Variants in PIP5K1B observed in about 807,000 individuals in gnomAD.
The protein encoded by PIP5K1B is phosphatidylinositol 4-phosphate 5-kinase type-1 beta.
Under a neutral mutation model 67.0 loss-of-function variants are expected in PIP5K1B, and 42 were observed. The ratio of observed to expected loss-of-function variants is 0.63; its 90% CI spans 0.49 to 0.81. PIP5K1B has a LOEUF of 0.81. Among genes scored for constraint, PIP5K1B ranks in the 30% least tolerant of loss-of-function variants. The pLI is 0.00. For missense variants in PIP5K1B, 459 were observed against 646.3 expected, an observed-to-expected ratio of 0.71 and a Z score of 3.14; for synonymous variants, 214 against 231.4, an observed-to-expected ratio of 0.92 and a Z score of 0.68.
intron 8 of PIP5K1B, among the ~76,000 whole-genome samples, chr9:68,914,664 G>A (rs528768690): frequency 1.4e-4 from 21 of 152,106 alleles, no homozygotes; most frequent in African/African-American, 2.4e-4. Context: ...GCAGTGAGCC[G>A]AGATTGCACC....
At chr9:68,853,435 G>A (rs1237374442) in intron 4 of PIP5K1B, among the ~76,000 whole-genome samples, 1 of 152,150 alleles carries the variant, frequency 6.6e-6, no homozygotes, top group Non-Finnish European at 1.5e-5. Flanking sequence ...CTTGGGAGAG[G>A]GTCTGCCCAC....
chr9:68,942,775 T>A (rs534413964), intron 14 of PIP5K1B, among the ~76,000 whole-genome samples: 23 of 152,364 alleles, frequency 1.5e-4, no homozygotes, highest in Non-Finnish European at 2.9e-4. Flanking sequence ...TGTTTTAATC[T>A]TCTTTGGCAC....
chr9:68,889,974 A>G (rs11144154), intron 7 of PIP5K1B, among the ~76,000 whole-genome samples: 14,276 of 152,204 alleles, frequency 0.094, 834 homozygotes, highest in Non-Finnish European at 0.14. Flanking sequence ...GCAACCTTGG[A>G]TACTACAATT....
At chr9:68,735,578 T>A (rs779864183) in intron 1 of PIP5K1B, among the ~76,000 whole-genome samples, 3 of 152,116 alleles carry the variant, frequency 2.0e-5, no homozygotes, top group African/African-American at 4.8e-5. Context: ...TTAGTAGAGA[T>A]GGCGTTTAGC....
At chr9:68,739,072 C>T (rs1828877864) in intron 1 of PIP5K1B, among the ~76,000 whole-genome samples, 1 of 152,240 alleles carries the variant, frequency 6.6e-6, no homozygotes, top group African/African-American at 2.4e-5. Context: ...GGCATTTGAT[C>T]ATCGACTGTT....
intron 14 of PIP5K1B, among the ~76,000 whole-genome samples, chr9:68,947,439 C>T (rs1827854379): frequency 6.6e-6 from 1 of 152,220 alleles, no homozygotes; most frequent in Non-Finnish European, 1.5e-5. Flanking sequence ...TCATCCAACT[C>T]CTGCAATGCC....
chr9:68,907,780 C>T (rs574000074), intron 8 of PIP5K1B, among the ~76,000 whole-genome samples: 1 of 152,312 alleles, frequency 6.6e-6, no homozygotes, highest in East Asian at 1.9e-4. Flanking sequence ...CTGTAGAAGG[C>T]TCTGTGCTAA....
chr9:68,856,114 T>C (rs1335872709), intron 4 of PIP5K1B, among the ~76,000 whole-genome samples: 2 of 152,108 alleles, frequency 1.3e-5, no homozygotes, highest in South Asian at 2.1e-4. Flanking sequence ...TGTTCCCTCA[T>C]TGAAACACAT....
intron 11 of PIP5K1B, 113 bp from the exon 12 acceptor site, chr9:68,923,189 C>A (rs758563508): frequency 2.8e-6 from 2 of 715,166 alleles, no homozygotes; most frequent in East Asian, 2.6e-5. Flanking sequence ...TATCTCTGGG[C>A]CACCTTTGGT....
intron 8 of PIP5K1B, among the ~76,000 whole-genome samples, chr9:68,897,525 A>G (rs1444345757): frequency 2.0e-5 from 3 of 152,338 alleles, no homozygotes; most frequent in Admixed American, 1.3e-4. Flanking sequence ...GGTATGAAAC[A>G]ATGGGTGTGA....
chr9:68,749,788 A>G (rs1386034069), intron 2 of PIP5K1B, among the ~76,000 whole-genome samples: 2 of 152,168 alleles, frequency 1.3e-5, no homozygotes, highest in Non-Finnish European at 2.9e-5. Context: ...ATTCCTATCC[A>G]CTAGATGCCA....
At chr9:68,729,904 C>T (rs1828337306) in intron 1 of PIP5K1B, among the ~76,000 whole-genome samples, 1 of 151,830 alleles carries the variant, frequency 6.6e-6, no homozygotes, top group South Asian at 2.1e-4. Context: ...AGTAATTTCC[C>T]TTTTCAAGGG....
intron 2 of PIP5K1B, among the ~76,000 whole-genome samples, chr9:68,791,431 G>T (rs1175351258): frequency 2.6e-5 from 4 of 152,096 alleles, no homozygotes; most frequent in Non-Finnish European, 1.5e-5. Context: ...GACTATTATT[G>T]TGAACTCCCT....
At position 68,840,698 on chromosome 9, in the gene PIP5K1B, C is replaced by T. The variant is rs550746345; in HGVS notation, c.69+18015C>T. The stretch of plus-strand genomic sequence containing the variant: ...ATGTCTCACTCACCCGCTCCTTTGC[C>T]TCTTCTTTTTTTAACTCTTAACAAC... On this transcript the variant is annotated intron_variant, in intron 4 of 15. Transcript: ENST00000265382. 4.6e-5 allele frequency among the ~76,000 whole-genome samples: 7 copies of T among 152,268 alleles called. No homozygotes were observed. The East Asian group carries it at 1.4e-3, about 29-fold the overall frequency.
At chr9:68,908,532 G>T (rs1347508399) in intron 8 of PIP5K1B, among the ~76,000 whole-genome samples, 1 of 151,852 alleles carries the variant, frequency 6.6e-6, no homozygotes. Flanking sequence ...GCCAAAACAA[G>T]GATTTAATAT....
intron 1 of PIP5K1B, among the ~76,000 whole-genome samples, chr9:68,717,762 A>G (rs1184718939): frequency 6.6e-6 from 1 of 152,216 alleles, no homozygotes; most frequent in African/African-American, 2.4e-5. Context: ...TTTGTAGCCC[A>G]GTCAGTGTGC....
At chr9:69,006,095 G>A (rs1831065401) in intron 15 of PIP5K1B, among the ~76,000 whole-genome samples, 1 of 151,958 alleles carries the variant, frequency 6.6e-6, no homozygotes, top group African/African-American at 2.4e-5. Context: ...CTCACTATGT[G>A]GCCAAGGCTG....
intron 7 of PIP5K1B, among the ~76,000 whole-genome samples, chr9:68,893,833 C>A (rs1178581896): frequency 1.3e-5 from 2 of 152,154 alleles, no homozygotes; most frequent in African/African-American, 4.8e-5. Context: ...AAACAGGTTT[C>A]TATTTTTCAC....
intron 4 of PIP5K1B, chr9:68,824,396 G>A (rs1833881797): frequency 2.7e-6 from 1 of 373,902 alleles, no homozygotes; most frequent in Non-Finnish European, 5.2e-6. Flanking sequence ...ATTAGTATAG[G>A]TAATTCTATG....
Sources: allele counts gnomAD v4.1 joint callset (sites outside exome capture counted in the v4.1 genomes callset), GRCh38; gene constraint gnomAD v4.1.1; transcripts MANE v1.5; gene names NCBI Gene and HGNC (gene_info 2026-07-23, HGNC 2026-07-21).